The following TRMT61B variants were observed in gnomAD, a reference collection of about 807,000 sequenced individuals.
TRMT61B encodes the protein tRNA methyltransferase 61B.
Under a neutral mutation model 52.0 loss-of-function variants are expected in TRMT61B, and 56 were observed. That is an observed-to-expected ratio of 1.08 (90% CI 0.87 to 1.35). The LOEUF (loss-of-function observed/expected upper bound fraction) is 1.35. TRMT61B is among the 40% of genes most tolerant of loss of function. The pLI is 0.00. For synonymous variants in TRMT61B, 206 were observed against 220.0 expected (o/e 0.94, Z 0.56); for missense variants, 650 against 577.9 (o/e 1.12, Z -1.28).
intron 2 of TRMT61B, among the ~76,000 whole-genome samples, chr2:28,861,643 T>C (rs1402364902): frequency 6.6e-6 from 1 of 152,254 alleles, no homozygotes; most frequent in Non-Finnish European, 1.5e-5. Flanking sequence ...CTTCTAGATG[T>C]ACTGCATTCT....
At chr2:28,857,959 T>C (rs1669417072) in intron 3 of TRMT61B, among the ~76,000 whole-genome samples, 1 of 152,216 alleles carries the variant, frequency 6.6e-6, no homozygotes, top group Admixed American at 6.5e-5. Flanking sequence ...TTTATTGATG[T>C]AGCTAGAGTA....
intron 3 of TRMT61B, among the ~76,000 whole-genome samples, chr2:28,858,361 C>CT (rs1669438550): frequency 6.6e-6 from 1 of 151,928 alleles, no homozygotes; most frequent in African/African-American, 2.4e-5. Flanking sequence ...TAGTCATGCT[C>CT]TTTTTTCTAT....
In TRMT61B at chr2:28,855,071, G is replaced by A. The variant is rs144721399; in HGVS notation, c.994-2572C>T. Reference sequence around the variant, plus strand: ...AAATGTAGGGGAGAAGTGAGCTCCTGGTGGAGGGAACAGCAAATATTTAAT... The same window carrying A: ...AAATGTAGGGGAGAAGTGAGCTCCTAGTGGAGGGAACAGCAAATATTTAAT... On this transcript the variant is annotated intron_variant, in intron 3 of 6. Transcript: ENST00000306108. 1.8e-3 allele frequency among the ~76,000 whole-genome samples: 268 copies of A among 152,274 alleles called. 1 individual carries two copies. The highest frequency in any genetic ancestry group is 2.3e-3 in the Non-Finnish European group (159 of 68,016).
At chr2:28,867,038 A>C (rs1160723830) in intron 1 of TRMT61B, among the ~76,000 whole-genome samples, 2 of 152,014 alleles carry the variant, frequency 1.3e-5, no homozygotes, top group Non-Finnish European at 2.9e-5. Context: ...GCCTCCAGCA[A>C]TCCTCCTGCC....
rs35660212 is a variant in TRMT61B, at chr2:28,853,835, C to CAA, written c.994-1338_994-1337dup. ...TGGGTGACAGAGTGAGATTCTGTCTCAAAAAAAAAAATCATATCCCTTATT... is the reference window on the plus strand; with the variant it reads ...TGGGTGACAGAGTGAGATTCTGTCTCAAAAAAAAAAAAATCATATCCCTTATT... On this transcript the variant is annotated intron_variant, in intron 3 of 6. Transcript: ENST00000306108. Among the ~76,000 whole-genome samples the CAA allele has an allele frequency of 6.3e-3, 939 of 149,500 alleles. 11 individuals carry two copies. The highest frequency in any genetic ancestry group is 0.021 in the African/African-American group (842 of 40,724).
chr2:28,863,077 G>C (rs924938665), intron 2 of TRMT61B, among the ~76,000 whole-genome samples: 2 of 152,030 alleles, frequency 1.3e-5, no homozygotes, highest in African/African-American at 4.8e-5. Flanking sequence ...TAAATTCCAA[G>C]GTATCTTTTG....
At chr2:28,866,672 A>C (rs1219243792) in intron 1 of TRMT61B, among the ~76,000 whole-genome samples, 1 of 152,184 alleles carries the variant, frequency 6.6e-6, no homozygotes, top group East Asian at 1.9e-4. Context: ...GAGCCCTGCT[A>C]TATAAGAAAA....
In TRMT61B at chr2:28,865,672, CTTT is replaced by C. The variant is rs70958219; in HGVS notation, c.700-556_700-554del. 3.1e-3 allele frequency among the ~76,000 whole-genome samples: 249 copies of C among 80,094 alleles called. 1 individual carries two copies. Among genetic ancestry groups the C allele is most frequent in the African/African-American group, 6.2e-3 (125 of 20,046 alleles). The allele number at this position is 80,094 out of a possible 152,430, so 52.5% of individuals were successfully genotyped here. On this transcript the variant is annotated intron_variant, in intron 1 of 6. Coordinates refer to ENST00000306108, the MANE Select transcript of TRMT61B (RefSeq NM_017910.4). Reference sequence around the variant, plus strand: ...ATCTCTGCATAAAATGATGAATTTCCTTTTTTTTTTTTTTTTTTTTTTTGGGAG... The same window carrying C: ...ATCTCTGCATAAAATGATGAATTTCCTTTTTTTTTTTTTTTTTTTTGGGAG...
chr2:28,866,874 C>A (rs1669872261), intron 1 of TRMT61B, among the ~76,000 whole-genome samples: 1 of 152,276 alleles, frequency 6.6e-6, no homozygotes, highest in African/African-American at 2.4e-5. Context: ...TAGCTCACGG[C>A]AGCCTCGAAC....
intron 1 of TRMT61B, among the ~76,000 whole-genome samples, chr2:28,866,954 C>A (rs1669875974): frequency 6.6e-6 from 1 of 151,752 alleles, no homozygotes; most frequent in Non-Finnish European, 1.5e-5. Flanking sequence ...TACCACCATG[C>A]CCAACTAATT....
chr2:28,869,516 T>G, intron 1 of TRMT61B, 63 bp downstream of exon 1: 1 of 1,131,456 alleles, frequency 8.8e-7, no homozygotes, highest in Non-Finnish European at 1.3e-6. Context: ...TAATCAGGAC[T>G]GAGTACTGCA....
chr2:28,859,704 A>G (rs1458748155), intron 3 of TRMT61B, among the ~76,000 whole-genome samples: 1 of 152,144 alleles, frequency 6.6e-6, no homozygotes, highest in African/African-American at 2.4e-5. Context: ...TAGATCAGGA[A>G]TGGTTCAGCA....
chr2:28,857,953 T>G (rs1010213342), intron 3 of TRMT61B, among the ~76,000 whole-genome samples: 1 of 152,218 alleles, frequency 6.6e-6, no homozygotes, highest in Admixed American at 6.5e-5. Flanking sequence ...TTCAGATTTA[T>G]TGATGTAGCT....
intron 3 of TRMT61B, among the ~76,000 whole-genome samples, chr2:28,857,038 A>G (rs1247739445): frequency 6.6e-6 from 1 of 151,928 alleles, no homozygotes; most frequent in Non-Finnish European, 1.5e-5. Flanking sequence ...GGTTCCAGCG[A>G]TCCTCCTACC....
intron 3 of TRMT61B, among the ~76,000 whole-genome samples, chr2:28,853,577 C>T (rs1669214396): frequency 6.6e-6 from 1 of 152,092 alleles, no homozygotes; most frequent in Non-Finnish European, 1.5e-5. Context: ...TGGCTCACGC[C>T]TATAATCCCA....
At chr2:28,852,312 C>CAAA (rs575953261) in intron 4 of TRMT61B, 96 bp downstream of exon 4, 129 of 299,900 alleles carry the variant, frequency 4.3e-4, no homozygotes, top group East Asian at 1.5e-3. Flanking sequence ...TTTTCTGTCT[C>CAAA]AAAAAAAAAA....
In TRMT61B at chr2:28,862,390, T is replaced by C. The variant is rs1176161819; in HGVS notation, c.803-1082A>G. 5.8e-5 allele frequency among the ~76,000 whole-genome samples: 8 copies of C among 137,442 alleles called. No homozygotes were observed. The East Asian group carries it at 2.0e-3, about 34-fold the overall frequency. 90.2% of individuals were successfully genotyped at this position (137,442 alleles called of 152,430 possible). On this transcript the variant is annotated intron_variant, in intron 2 of 6. Coordinates refer to ENST00000306108, the MANE Select transcript of TRMT61B (RefSeq NM_017910.4). ...CTCTGTCACGCAGGTTGGAGTGCGG[T>C]GGTGCAATCACAGCTCACGGCAACC... is the stretch of plus-strand genomic sequence containing the variant.
intron 3 of TRMT61B, among the ~76,000 whole-genome samples, chr2:28,857,743 T>C (rs917877532): frequency 6.6e-6 from 1 of 152,148 alleles, no homozygotes; most frequent in East Asian, 1.9e-4. Flanking sequence ...CCCAAACTTA[T>C]TTCCCTCTAT....
intron 5 of TRMT61B, 96 bp from the exon 6 acceptor site, chr2:28,850,501 G>GT (rs1375572673): frequency 2.5e-6 from 2 of 798,466 alleles, no homozygotes; most frequent in Non-Finnish European, 3.9e-6. Context: ...TTTATTGTAA[G>GT]TTTTTTCTTT....
Sources: gnomAD v4.1 joint callset for allele counts (sites outside exome capture counted in the v4.1 genomes callset) on GRCh38, gnomAD v4.1.1 for gene constraint, MANE v1.5 for transcripts, NCBI Gene and HGNC (gene_info 2026-07-23, HGNC 2026-07-21) for gene names.